The following ANGPT1 variants were observed in gnomAD, a reference collection of about 807,000 sequenced individuals.
ANGPT1 encodes the protein angiopoietin-1.
A neutral mutation model predicts 62.2 loss-of-function variants in ANGPT1; 17 were observed. That is an observed-to-expected ratio of 0.27 (90% CI 0.19 to 0.41). The LOEUF (loss-of-function observed/expected upper bound fraction) is 0.41. Ranked by LOEUF, ANGPT1 falls within the 10% of genes least tolerant of loss-of-function variation. The probability of loss-of-function intolerance (pLI) is 1.00; values close to 1 mark genes in which losing one functional copy is unlikely to be tolerated. For missense variants in ANGPT1, 478 were observed against 594.9 expected (o/e 0.80, Z 2.04); for synonymous variants, 199 against 198.9 (o/e 1.00, Z 0.00).
At chr8:107,413,275 C>T (rs1810639408) in intron 1 of ANGPT1, among the ~76,000 whole-genome samples, 1 of 152,122 alleles carries the variant, frequency 6.6e-6, no homozygotes, top group African/African-American at 2.4e-5. Context: ...TTCGTGTTAA[C>T]TCTTCTTCCT....
At chr8:107,345,119 A>G (rs146102082) in intron 2 of ANGPT1, among the ~76,000 whole-genome samples, 1 of 152,312 alleles carries the variant, frequency 6.6e-6, no homozygotes, top group African/African-American at 2.4e-5. Flanking sequence ...AGCCATTGTC[A>G]TCCTTTTCTA....
chr8:107,480,422 A>G (rs1812647875), intron 1 of ANGPT1, among the ~76,000 whole-genome samples: 1 of 152,208 alleles, frequency 6.6e-6, no homozygotes, highest in Non-Finnish European at 1.5e-5. Context: ...GGTTGGAAGA[A>G]TGGTGAAATC....
chr8:107,403,933 A>G (rs1183371464), intron 1 of ANGPT1, among the ~76,000 whole-genome samples: 1 of 152,158 alleles, frequency 6.6e-6, no homozygotes, highest in South Asian at 2.1e-4. Context: ...TGGCCACTGG[A>G]GAATTTTAAA....
At chr8:107,406,900 G>A (rs1490199705) in intron 1 of ANGPT1, among the ~76,000 whole-genome samples, 12 of 98,026 alleles carry the variant, frequency 1.2e-4, no homozygotes, top group Middle Eastern at 5.4e-3. Context: ...AAAAAAAAAA[G>A]CAATTCTACA....
intron 1 of ANGPT1, among the ~76,000 whole-genome samples, chr8:107,448,357 A>G (rs773492576): frequency 2.0e-5 from 3 of 152,204 alleles, no homozygotes; most frequent in Non-Finnish European, 4.4e-5. Context: ...CTATATTGAC[A>G]GAACAAATTA....
chr8:107,465,948 G>C (rs1167464156), intron 1 of ANGPT1, among the ~76,000 whole-genome samples: 1 of 152,126 alleles, frequency 6.6e-6, no homozygotes, highest in Admixed American at 6.5e-5. Context: ...TTCCAGGAAG[G>C]ACTTCTATCT....
chr8:107,473,519 G>C (rs1812419997), intron 1 of ANGPT1, among the ~76,000 whole-genome samples: 1 of 151,878 alleles, frequency 6.6e-6, no homozygotes, highest in Non-Finnish European at 1.5e-5. Context: ...GTACCTTAAT[G>C]CCTCTCAGAC....
chr8:107,365,267 G>A (rs1434664032), intron 1 of ANGPT1, among the ~76,000 whole-genome samples: 1 of 152,088 alleles, frequency 6.6e-6, no homozygotes, highest in Non-Finnish European at 1.5e-5. Context: ...TATTCATATG[G>A]TTCACTACCG....
chr8:107,363,147 T>A (rs1018093945), intron 1 of ANGPT1, among the ~76,000 whole-genome samples: 1 of 151,836 alleles, frequency 6.6e-6, no homozygotes, highest in East Asian at 1.9e-4. Flanking sequence ...CTTTTACTTC[T>A]GTGAGATAAA....
At chr8:107,394,807 G>T (rs902442742) in intron 1 of ANGPT1, among the ~76,000 whole-genome samples, 4 of 151,988 alleles carry the variant, frequency 2.6e-5, no homozygotes, top group South Asian at 2.1e-4. Context: ...ATTAATTTTT[G>T]TACTCATTAT....
At chr8:107,409,253 A>G (rs1024814185) in intron 1 of ANGPT1, among the ~76,000 whole-genome samples, 1 of 152,204 alleles carries the variant, frequency 6.6e-6, no homozygotes, top group Admixed American at 6.5e-5. Flanking sequence ...CAATTCTGTC[A>G]TCTCTGATTA....
chr8:107,413,232 A>G (rs1019892062), intron 1 of ANGPT1, among the ~76,000 whole-genome samples: 9 of 152,142 alleles, frequency 5.9e-5, no homozygotes, highest in African/African-American at 2.2e-4. Flanking sequence ...TGAGTGGCCA[A>G]TCCCGGGTAA....
At chr8:107,477,237 A>G (rs926979707) in intron 1 of ANGPT1, among the ~76,000 whole-genome samples, 1 of 152,158 alleles carries the variant, frequency 6.6e-6, no homozygotes, top group Non-Finnish European at 1.5e-5. Flanking sequence ...CTCTCCATCC[A>G]TTCGTTTATT....
At chr8:107,423,218 A>G (rs939156462) in intron 1 of ANGPT1, among the ~76,000 whole-genome samples, 1 of 152,090 alleles carries the variant, frequency 6.6e-6, no homozygotes, top group Non-Finnish European at 1.5e-5. Context: ...CTTCCCCCCT[A>G]CTTAGATCCA....
At chr8:107,432,461 G>A (rs185752460) in intron 1 of ANGPT1, among the ~76,000 whole-genome samples, 43 of 152,214 alleles carry the variant, frequency 2.8e-4, no homozygotes, top group South Asian at 2.1e-4. Context: ...TCAGGAGATC[G>A]AGACCATCCT....
chr8:107,370,323 GA>G lies in ANGPT1; in HGVS notation c.298-23227del, dbSNP rs1399088393. Among the ~76,000 whole-genome samples, 382 of 43,022 alleles carry G rather than the reference GA, an allele frequency of 8.9e-3. 80 individuals are homozygous for G. Among genetic ancestry groups the G allele is most frequent in the African/African-American group, 0.021 (364 of 17,404 alleles). The allele number at this position is 43,022 out of a possible 152,430, so 28.2% of individuals were successfully genotyped here. On this transcript the variant is annotated intron_variant, in intron 1 of 8. Transcript: ENST00000517746. The stretch of plus-strand genomic sequence containing the variant: ...AGAAAGAAAGAAGGAAGGAAGGAAA[GA>G]GAAAGGAAAGAAAGAAAAAGAAAGA...
In ANGPT1 at chr8:107,459,075, T is replaced by TATA. The variant is rs796980950; in HGVS notation, c.297+38184_297+38186dup. 5.9e-5 allele frequency among the ~76,000 whole-genome samples: 9 copies of TATA among 152,252 alleles called. 1 individual carries two copies. The highest frequency in any genetic ancestry group is 2.2e-4 in the African/African-American group (9 of 41,552). On this transcript the variant is annotated intron_variant, in intron 1 of 8. Transcript: ENST00000517746. ...TCAGTGCATTAGAAGGGCTGACAGG[T>TATA]ATAACTCTGTATCCTTTTGTCCTCT...
chr8:107,264,049 A>G (rs1813557419), intron 8 of ANGPT1, among the ~76,000 whole-genome samples, 172 bp downstream of exon 8: 1 of 152,198 alleles, frequency 6.6e-6, no homozygotes, highest in African/African-American at 2.4e-5. Context: ...TAAATATGCT[A>G]GCAATGTCTT....
chr8:107,384,682 C>T (rs1433091217), intron 1 of ANGPT1, among the ~76,000 whole-genome samples: 1 of 152,006 alleles, frequency 6.6e-6, no homozygotes, highest in Non-Finnish European at 1.5e-5. Context: ...TGGAGTCTTC[C>T]TCATGAAGTC....
Sources: gnomAD v4.1 joint callset for allele counts (sites outside exome capture counted in the v4.1 genomes callset) on GRCh38, gnomAD v4.1.1 for gene constraint, MANE v1.5 for transcripts, NCBI Gene and HGNC (gene_info 2026-07-23, HGNC 2026-07-21) for gene names.